Variants in PPP4R3B observed in about 807,000 individuals in gnomAD.
PPP4R3B encodes the protein serine/threonine-protein phosphatase 4 regulatory subunit 3B.
Under a neutral mutation model 95.4 loss-of-function variants are expected in PPP4R3B, and 52 were observed. The observed-to-expected ratio is 0.54, with a 90% CI of 0.44 to 0.69. PPP4R3B has a LOEUF of 0.69. Ranked by LOEUF, PPP4R3B falls within the 30% of genes least tolerant of loss-of-function variation. The pLI is 0.00. For missense variants in PPP4R3B, 1,003 were observed against 1,005.9 expected, an observed-to-expected ratio of 1.00 and a Z score of 0.04; for synonymous variants, 407 against 343.9, an observed-to-expected ratio of 1.18 and a Z score of -2.03.
chr2:55,564,178 T>C, intron 15 of PPP4R3B, 135 bp downstream of exon 15: 1 of 644,680 alleles, frequency 1.6e-6, no homozygotes, highest in East Asian at 3.2e-5. Context: ...GTACATAATT[T>C]TAAAAGAACA....
At chr2:55,588,847 T>C in intron 5 of PPP4R3B, 32 bp downstream of exon 5, 3 of 1,447,452 alleles carry the variant, frequency 2.1e-6, no homozygotes, top group African/African-American at 2.8e-5. Flanking sequence ...AAAGAATAAG[T>C]GCTCTTTAAG....
Position 55,604,522 on chromosome 2 carries a change from C to CT in PPP4R3B, c.199-447dup, listed in dbSNP as rs1473017286. Among the ~76,000 whole-genome samples the CT allele has an allele frequency of 2.9e-3, 433 of 150,466 alleles. 2 individuals carry two copies. Among genetic ancestry groups the CT allele is most frequent in the African/African-American group, 7.8e-3 (323 of 41,168 alleles). On this transcript the variant is annotated intron_variant, in intron 2 of 16. Transcript: ENST00000616407. ...GGTTAAGGCTTAACTCTATTTTTGCCTTTTTTTTTTATATATCTGGAAAAG... is the reference window on the plus strand; with the variant it reads ...GGTTAAGGCTTAACTCTATTTTTGCCTTTTTTTTTTTATATATCTGGAAAAG...
At chr2:55,572,461 G>T (rs1056549374) in intron 12 of PPP4R3B, among the ~76,000 whole-genome samples, 1 of 152,038 alleles carries the variant, frequency 6.6e-6, no homozygotes, top group South Asian at 2.1e-4. Flanking sequence ...AAAATGCAAA[G>T]TACACTAATA....
chr2:55,572,770 G>C (rs1688172426), intron 12 of PPP4R3B, among the ~76,000 whole-genome samples: 1 of 152,146 alleles, frequency 6.6e-6, no homozygotes, highest in Non-Finnish European at 1.5e-5. Flanking sequence ...ATTTACCACA[G>C]TGAGATGTGG....
At chr2:55,559,033 C>A in intron 15 of PPP4R3B, 65 bp from the exon 16 acceptor site, 1 of 1,304,468 alleles carries the variant, frequency 7.7e-7, no homozygotes, top group South Asian at 1.4e-5. Context: ...CATCTAAAAA[C>A]AGCAGTAATT....
At chr2:55,606,606 G>C (rs922660799) in intron 2 of PPP4R3B, among the ~76,000 whole-genome samples, 2 of 151,996 alleles carry the variant, frequency 1.3e-5, no homozygotes, top group East Asian at 1.9e-4. Context: ...CGGATCACCT[G>C]AGGTGAGGAG....
chr2:55,614,645 G>A (rs1694651119), intron 2 of PPP4R3B: 9 of 152,128 alleles, frequency 5.9e-5, no homozygotes, highest in Admixed American at 5.9e-4. Flanking sequence ...TGTAGGGGAT[G>A]GAGAATGTAA....
intron 16 of PPP4R3B, among the ~76,000 whole-genome samples, chr2:55,551,111 G>C (rs1685198059): frequency 6.6e-6 from 1 of 152,084 alleles, no homozygotes; most frequent in Admixed American, 6.6e-5. Context: ...CAGCACTTTG[G>C]GAGATCGAGG....
Position 55,604,881 on chromosome 2 carries a change from C to T in PPP4R3B, c.199-805G>A, listed in dbSNP as rs80114583. Among the ~76,000 whole-genome samples, 99 of 152,086 alleles carry T rather than the reference C, an allele frequency of 6.5e-4. 2 individuals carry two copies. The East Asian group carries it at 0.018, about 28-fold the overall frequency. ...CTTGAGACAGGGTCTTGCTCTGTGA[C>T]CAGACTAGAGTGTAGGGGTACAATC... On this transcript the variant is annotated intron_variant, in intron 2 of 16. Transcript: ENST00000616407.
chr2:55,561,437 A>T (rs1229478984), intron 15 of PPP4R3B, among the ~76,000 whole-genome samples: 1 of 152,214 alleles, frequency 6.6e-6, no homozygotes, highest in Non-Finnish European at 1.5e-5. Context: ...TAGTGGAGCC[A>T]TGAGAAGAGG....
At chr2:55,614,376 C>G (rs1359135986) in intron 2 of PPP4R3B, 1 of 152,120 alleles carries the variant, frequency 6.6e-6, no homozygotes, top group Non-Finnish European at 1.5e-5. Context: ...TGTATAACAA[C>G]AAGTGTATGT....
At chr2:55,584,456 A>C (rs1304644906) in intron 7 of PPP4R3B, among the ~76,000 whole-genome samples, 1 of 152,168 alleles carries the variant, frequency 6.6e-6, no homozygotes, top group Non-Finnish European at 1.5e-5. Flanking sequence ...CCCAAGCAGT[A>C]TACACTGCAC....
chr2:55,597,557 G>C (rs2103641767), intron 4 of PPP4R3B, among the ~76,000 whole-genome samples: 1 of 152,228 alleles, frequency 6.6e-6, no homozygotes, highest in Non-Finnish European at 1.5e-5. Flanking sequence ...GGGAGGCGGA[G>C]CTTGCAGTGA....
At chr2:55,568,748 G>A (rs1480020409) in intron 12 of PPP4R3B, among the ~76,000 whole-genome samples, 1 of 152,236 alleles carries the variant, frequency 6.6e-6, no homozygotes, top group African/African-American at 2.4e-5. Flanking sequence ...GGTGGATGCT[G>A]AGACAACGCA....
chr2:55,606,329 A>T (rs982963176), intron 2 of PPP4R3B, among the ~76,000 whole-genome samples: 8 of 152,150 alleles, frequency 5.3e-5, no homozygotes, highest in African/African-American at 1.9e-4. Flanking sequence ...TAGTATTAAG[A>T]CCCAATATAC....
intron 4 of PPP4R3B, among the ~76,000 whole-genome samples, chr2:55,592,269 GTAGC>G (rs2104384742): frequency 6.6e-6 from 1 of 152,266 alleles, no homozygotes; most frequent in East Asian, 1.9e-4. Context: ...CTTTCTGAGG[GTAGC>G]TAGTGACAGA....
chr2:55,552,539 A>T (rs1288257992), intron 16 of PPP4R3B, among the ~76,000 whole-genome samples: 1 of 152,122 alleles, frequency 6.6e-6, no homozygotes, highest in Non-Finnish European at 1.5e-5. Context: ...GGCTACATGC[A>T]TGCACCACCA....
At chr2:55,612,937 C>T (rs1216220240) in intron 2 of PPP4R3B, among the ~76,000 whole-genome samples, 2 of 149,514 alleles carry the variant, frequency 1.3e-5, no homozygotes, top group Non-Finnish European at 3.0e-5. Context: ...CAGAGCGAGA[C>T]TCCATCTCAA....
At chr2:55,594,966 A>G (rs945814519) in intron 4 of PPP4R3B, among the ~76,000 whole-genome samples, 1 of 151,970 alleles carries the variant, frequency 6.6e-6, no homozygotes, top group Non-Finnish European at 1.5e-5. Flanking sequence ...AATGAAGTCG[A>G]TTAGCTAGGC....
Sources: allele counts gnomAD v4.1 joint callset (sites outside exome capture counted in the v4.1 genomes callset), GRCh38; gene constraint gnomAD v4.1.1; transcripts MANE v1.5; gene names NCBI Gene and HGNC (gene_info 2026-07-23, HGNC 2026-07-21).